PUM1: variants seen among roughly 807,000 people sequenced by gnomAD.
PUM1 encodes pumilio homolog 1.
PUM1 carries 13 observed loss-of-function variants against 131.8 expected under a neutral mutation model. That is an observed-to-expected ratio of 0.10 (90% confidence interval 0.06 to 0.16). PUM1 has a LOEUF of 0.16. PUM1 is among the 10% of genes least tolerant of loss of function. The pLI is 1.00. For missense variants in PUM1, 961 were observed against 1,512.4 expected (o/e 0.64, Z 6.05); for synonymous variants, 509 against 556.5 (o/e 0.91, Z 1.20).
intron 3 of PUM1, among the ~76,000 whole-genome samples, chr1:31,021,378 G>T (rs1176965114): frequency 6.6e-6 from 1 of 152,124 alleles, no homozygotes; most frequent in African/African-American, 2.4e-5. Context: ...GAGCTCCCTT[G>T]GGGGATAGAC....
Position 30,974,796 on chromosome 1 carries a change from G to C in PUM1, c.1361C>G (p.Ala454Gly). Residue 454 changes from alanine (A) to glycine (G), a missense_variant, in exon 10 of 22, where the codon GCT becomes GGT. Transcript: ENST00000426105. ...GLAAAATLGP[A>G]VVPHQYYGVT... is the part of the protein sequence containing the mutation. Reference sequence around the variant, plus strand: ...TCCATAATACTGGTGAGGGACCACAGCTGGGCCTAAAAATAGCAAAAGAAA... The same window carrying C: ...TCCATAATACTGGTGAGGGACCACACCTGGGCCTAAAAATAGCAAAAGAAA... 1.2e-6 allele frequency: 2 copies of C among 1,604,936 alleles called. No individual in the cohort carries two copies. Among genetic ancestry groups the C allele is most frequent in the Non-Finnish European group, 8.5e-7 (1 of 1,175,434 alleles).
chr1:30,964,880 C>T lies in PUM1; in HGVS notation c.2117G>A (p.Arg706His), dbSNP rs781761656. The change falls in exon 14 of 22, where the codon CGC becomes CAC. Residue 706 changes from arginine (R) to histidine (H), a missense_variant. Arg to His is a conservative substitution (Grantham distance 29). Coordinates refer to ENST00000426105, the MANE Select transcript of PUM1 (RefSeq NM_001020658.2). ...ACTGCTGCCAGTCAGGGAGTCACGGCGGGAGCCACTGCCAGTGTTGGAGTT... is the reference window on the plus strand; with the variant it reads ...ACTGCTGCCAGTCAGGGAGTCACGGTGGGAGCCACTGCCAGTGTTGGAGTT... ...VANSNTGSGS[R>H]RDSLTGSSDL... The T allele has an allele frequency of 1.9e-6, 3 of 1,612,836 alleles. No individual in the cohort carries two copies. Among genetic ancestry groups the T allele is most frequent in the Non-Finnish European group, 2.5e-6 (3 of 1,179,830 alleles).
chr1:30,949,093 G>A (rs1231510165), intron 17 of PUM1: 2 of 395,508 alleles, frequency 5.1e-6, no homozygotes, highest in South Asian at 3.8e-5. Flanking sequence ...GGTTTAGCTT[G>A]ACTCAGGGGT....
rs370476677 is a variant in PUM1, at chr1:30,952,978, A to AAAAACAAAAC, written c.2592-625_2592-616dup. On this transcript the variant is annotated intron_variant, in intron 15 of 21. Coordinates refer to ENST00000426105, the MANE Select transcript of PUM1 (RefSeq NM_001020658.2). ...GCGACAGAGCAAGACTCTGTCTCAA[A>AAAAACAAAAC]AAAACAAAACAAAACAAAACAAAAC... is the stretch of plus-strand genomic sequence containing the variant. 7.1e-4 allele frequency among the ~76,000 whole-genome samples: 107 copies of AAAAACAAAAC among 151,430 alleles called. 1 individual carries two copies. In the East Asian group the frequency reaches 0.011, roughly 16 times the overall value.
At chr1:30,984,115 T>C (rs947520295) in intron 7 of PUM1, among the ~76,000 whole-genome samples, 7 of 152,216 alleles carry the variant, frequency 4.6e-5, no homozygotes, top group Non-Finnish European at 1.0e-4. Context: ...AGACCCCATA[T>C]AGCCTATGTT....
At chr1:30,941,380 G>T in intron 19 of PUM1, 108 bp from the exon 20 acceptor site, 1 of 1,173,294 alleles carries the variant, frequency 8.5e-7, no homozygotes, top group Non-Finnish European at 1.2e-6. Flanking sequence ...CCACCATAAC[G>T]GTTTATATGA....
intron 3 of PUM1, among the ~76,000 whole-genome samples, chr1:31,017,588 A>C (rs1642864074): frequency 6.6e-6 from 1 of 151,674 alleles, no homozygotes; most frequent in South Asian, 2.1e-4. Context: ...GCCCAAGATC[A>C]CATTCTTCCA....
At chr1:31,058,213 T>C (rs1449547560) in intron 2 of PUM1, among the ~76,000 whole-genome samples, 1 of 152,188 alleles carries the variant, frequency 6.6e-6, no homozygotes, top group Non-Finnish European at 1.5e-5. Flanking sequence ...TGTTATCAAC[T>C]TCCCCCTACT....
rs1639958590 is a variant in PUM1, at chr1:30,952,093, A to AAC, written c.2721+140_2721+141insGT. ...AGACTGCTGCTAATGAATTGGAAAA[A>AAC]CACTAAAAACCTCTTCAAAAAGACC... On this transcript the variant is annotated intron_variant, in intron 16 of 21. Coordinates refer to ENST00000426105, the MANE Select transcript of PUM1 (RefSeq NM_001020658.2). 6 of 735,120 alleles carry AAC rather than the reference A, an allele frequency of 8.2e-6. No homozygotes were observed. In the East Asian group the frequency reaches 8.2e-5, roughly 10 times the overall value. 45.5% of individuals were successfully genotyped at this position (735,120 alleles called of 1,614,324 possible).
intron 3 of PUM1, among the ~76,000 whole-genome samples, chr1:31,011,396 TAA>T (rs1188164093): frequency 1.3e-5 from 2 of 152,164 alleles, no homozygotes; most frequent in South Asian, 2.1e-4. Context: ...TGAAAAAAAG[TAA>T]AAGACTGGCT....
chr1:31,035,684 G>A lies in PUM1; in HGVS notation c.364-6820C>T, dbSNP rs556918046. On this transcript the variant is annotated intron_variant, in intron 2 of 21. Coordinates refer to ENST00000426105, the MANE Select transcript of PUM1 (RefSeq NM_001020658.2). ...GAGAATTGCTTGAACCTGGGAGGCA[G>A]AGGTTGCAGTGAACCGAGATAGCGC... Among the ~76,000 whole-genome samples the A allele has an allele frequency of 1.2e-4, 18 of 152,144 alleles. No homozygotes were observed. The East Asian group carries it at 3.5e-3, about 29-fold the overall frequency.
At chr1:30,992,365 A>T in intron 7 of PUM1, 25 bp downstream of exon 7, 1 of 1,603,760 alleles carries the variant, frequency 6.2e-7, no homozygotes, top group Non-Finnish European at 8.5e-7. Context: ...GAGAGTAGAG[A>T]GGGTGACAGA....
intron 3 of PUM1, among the ~76,000 whole-genome samples, chr1:31,025,117 A>C (rs1052831036): frequency 6.6e-6 from 1 of 152,348 alleles, no homozygotes; most frequent in East Asian, 1.9e-4. Context: ...GCTTTGTAGA[A>C]TAGGAAGCAC....
chr1:31,005,785 GAAA>G, intron 5 of PUM1, 65 bp downstream of exon 5: 1 of 1,383,478 alleles, frequency 7.2e-7, no homozygotes. Flanking sequence ...TGCTTTAGGG[GAAA>G]AAAAGAGAGA....
At chr1:30,992,700 G>C in intron 6 of PUM1, 40 bp from the exon 7 acceptor site, 1 of 1,575,174 alleles carries the variant, frequency 6.3e-7, no homozygotes, top group Non-Finnish European at 8.6e-7. Context: ...CTTATTTTCA[G>C]TGGGGAGGGA....
chr1:30,963,860 C>T (rs2124436479), intron 14 of PUM1, among the ~76,000 whole-genome samples: 1 of 152,328 alleles, frequency 6.6e-6, no homozygotes. Flanking sequence ...GGTGACTCTA[C>T]ATCTAGCATT....
At chr1:30,952,739 A>G (rs905596065) in intron 15 of PUM1, among the ~76,000 whole-genome samples, 6 of 150,118 alleles carry the variant, frequency 4.0e-5, no homozygotes, top group African/African-American at 1.5e-4. Flanking sequence ...GGAGGGAGAC[A>G]TAACACAACA....
chr1:30,943,807 T>C (rs1379262438), intron 18 of PUM1, among the ~76,000 whole-genome samples: 3 of 152,208 alleles, frequency 2.0e-5, no homozygotes, highest in Non-Finnish European at 4.4e-5. Context: ...TAGCAACTGA[T>C]GGGTAAATAA....
chr1:30,992,760 A>C, intron 6 of PUM1, 100 bp from the exon 7 acceptor site: 1 of 980,834 alleles, frequency 1.0e-6, no homozygotes, highest in Non-Finnish European at 1.5e-6. Context: ...GCTCATTATC[A>C]ACAGTATTTA....
Sources: allele counts gnomAD v4.1 joint callset (sites outside exome capture counted in the v4.1 genomes callset), GRCh38; gene constraint gnomAD v4.1.1; transcripts MANE v1.5; gene names NCBI Gene and HGNC (gene_info 2026-07-23, HGNC 2026-07-21).